The following GABRA1 variants were observed in gnomAD, a reference collection of about 807,000 sequenced individuals.
GABRA1 encodes gamma-aminobutyric acid type A receptor subunit alpha1.
Under a neutral mutation model 48.9 loss-of-function variants are expected in GABRA1, and 9 were observed. The observed-to-expected ratio is 0.18, with a 90% CI of 0.11 to 0.32. The LOEUF (loss-of-function observed/expected upper bound fraction) is 0.32. Ranked by LOEUF, GABRA1 falls within the 10% of genes least tolerant of loss-of-function variation. The pLI is 1.00. For synonymous variants in GABRA1, 210 were observed against 198.7 expected (o/e 1.06, Z -0.48); for missense variants, 285 against 553.8 (o/e 0.51, Z 4.87).
intron 8 of GABRA1, among the ~76,000 whole-genome samples, chr5:161,892,998 CCTT>C (rs1561586098): frequency 9.8e-6 from 1 of 102,518 alleles, no homozygotes; most frequent in African/African-American, 3.9e-5. Flanking sequence ...GAGCGAGACT[CCTT>C]CTCAAAAAAA....
intron 3 of GABRA1, among the ~76,000 whole-genome samples, chr5:161,859,120 GT>G (rs1266585336): frequency 6.6e-6 from 1 of 151,578 alleles, no homozygotes; most frequent in Non-Finnish European, 1.5e-5. Context: ...TGGGGGTTTT[GT>G]TTTGTTTTCA....
chr5:161,858,077 A>G (rs1251395955), intron 3 of GABRA1, among the ~76,000 whole-genome samples: 3 of 151,568 alleles, frequency 2.0e-5, no homozygotes, highest in Non-Finnish European at 4.4e-5. Flanking sequence ...AGAGCAAAAC[A>G]GAGGAAATGA....
Position 161,897,566 on chromosome 5 carries a change from A to AGACC in GABRA1, c.*145_*148dup. The AGACC allele has an allele frequency of 1.2e-6, 1 of 828,188 alleles. No individual in the cohort carries two copies. Among genetic ancestry groups the AGACC allele is most frequent in the African/African-American group, 1.7e-5 (1 of 58,314 alleles). 51.3% of individuals were successfully genotyped at this position (828,188 alleles called of 1,614,324 possible). A position where few individuals can be genotyped will look rare whatever the true frequency, so the allele number is the denominator to read the frequency against. On this transcript the variant is annotated 3_prime_UTR_variant, in exon 10 of 10. Transcript: ENST00000393943. ...TTTTCATAATTCATTTAAGAACAAG[A>AGACC]GACCCCTGTCTGGCAGTCTGGAGCA...
At chr5:161,890,844 T>A in intron 7 of GABRA1, 54 bp from the exon 8 acceptor site, 1 of 1,534,632 alleles carries the variant, frequency 6.5e-7, no homozygotes, top group Non-Finnish European at 9.0e-7. Flanking sequence ...ACCTCAGAGA[T>A]TACCTTTTTC....
At chr5:161,878,514 A>G (rs1754464729) in intron 6 of GABRA1, among the ~76,000 whole-genome samples, 1 of 152,222 alleles carries the variant, frequency 6.6e-6, no homozygotes, top group Non-Finnish European at 1.5e-5. Flanking sequence ...AATTTAGTGG[A>G]ACAGTCTGTA....
chr5:161,875,745 T>G (rs1754320576), intron 6 of GABRA1, 103 bp downstream of exon 6: 1 of 862,084 alleles, frequency 1.2e-6, no homozygotes, highest in Non-Finnish European at 2.0e-6. Flanking sequence ...TCAAGAAAAT[T>G]TAAACAGCAA....
chr5:161,894,565 A>G (rs752956871), intron 8 of GABRA1, among the ~76,000 whole-genome samples: 2 of 152,218 alleles, frequency 1.3e-5, no homozygotes, highest in Non-Finnish European at 2.9e-5. Context: ...CATAGAGCTA[A>G]TAAGTGGTAG....
At chr5:161,880,830 A>G (rs1161626810) in intron 6 of GABRA1, among the ~76,000 whole-genome samples, 1 of 152,146 alleles carries the variant, frequency 6.6e-6, no homozygotes, top group South Asian at 2.1e-4. Context: ...TAAAAAAGCA[A>G]CTATAGTTTT....
chr5:161,861,279 C>T (rs957491659), intron 3 of GABRA1, among the ~76,000 whole-genome samples: 7 of 151,726 alleles, frequency 4.6e-5, no homozygotes, highest in African/African-American at 1.7e-4. Context: ...AATGCATACA[C>T]CTACTATGTT....
At chr5:161,880,122 A>G (rs1400797446) in intron 6 of GABRA1, among the ~76,000 whole-genome samples, 1 of 152,180 alleles carries the variant, frequency 6.6e-6, no homozygotes, top group Non-Finnish European at 1.5e-5. Flanking sequence ...ACGGCATCCT[A>G]AGTCTTTATC....
chr5:161,868,077 A>G (rs1189104983), intron 4 of GABRA1, among the ~76,000 whole-genome samples: 2 of 152,092 alleles, frequency 1.3e-5, no homozygotes, highest in Non-Finnish European at 2.9e-5. Flanking sequence ...GTGGGACCTA[A>G]TAAGTTATGC....
At position 161,848,178 on chromosome 5, in the gene GABRA1, T is replaced by G. The variant is rs960154706; in HGVS notation, c.-260T>G. ...ACTACTGTCTTGGTAAAGAGAAATC[T>G]TTTGTTGTATAGCTGCAGATTGGAT... On this transcript the variant is annotated 5_prime_UTR_variant, in exon 1 of 10. Coordinates refer to ENST00000393943, the MANE Select transcript of GABRA1 (RefSeq NM_001127644.2). 3 of 152,148 alleles carry G rather than the reference T, an allele frequency of 2.0e-5. No individual in the cohort carries two copies. Among genetic ancestry groups the G allele is most frequent in the African/African-American group, 7.2e-5 (3 of 41,436 alleles). 9.4% of individuals were successfully genotyped at this position (152,148 alleles called of 1,614,324 possible).
At position 161,873,081 on chromosome 5, in the gene GABRA1, A is replaced by T. The variant is rs934802453; in HGVS notation, c.256-36A>T. 15 of 1,476,100 alleles carry T rather than the reference A, an allele frequency of 1.0e-5. No individual in the cohort carries two copies. The Admixed American group carries it at 2.5e-4, about 25-fold the overall frequency. 91.4% of individuals were successfully genotyped at this position (1,476,100 alleles called of 1,614,324 possible). On this transcript the variant is annotated intron_variant, in intron 4 of 9. Coordinates refer to ENST00000393943, the MANE Select transcript of GABRA1 (RefSeq NM_001127644.2). ...AGATATTTGCATTGCAAAATACAGC[A>T]CAGTGAACTCTTCGTCATTTTCCAA...
At chr5:161,895,334 C>G (rs1383089322) in intron 8 of GABRA1, among the ~76,000 whole-genome samples, 1 of 152,006 alleles carries the variant, frequency 6.6e-6, no homozygotes, top group Non-Finnish European at 1.5e-5. Flanking sequence ...ATATCAAGAA[C>G]TAGGTACAGT....
intron 7 of GABRA1, among the ~76,000 whole-genome samples, chr5:161,889,806 C>T (rs894227649): frequency 6.6e-6 from 1 of 151,934 alleles, no homozygotes; most frequent in Non-Finnish European, 1.5e-5. Flanking sequence ...ATATATAGGA[C>T]AGCCACCTTC....
At chr5:161,864,735 T>G (rs1015962215) in intron 3 of GABRA1, among the ~76,000 whole-genome samples, 1 of 151,878 alleles carries the variant, frequency 6.6e-6, no homozygotes, top group Non-Finnish European at 1.5e-5. Flanking sequence ...ATTTTATAAA[T>G]GTTTGTTTTC....
chr5:161,891,101 A>G (rs1327082979), intron 8 of GABRA1, 51 bp downstream of exon 8: 2 of 1,528,790 alleles, frequency 1.3e-6, no homozygotes, highest in Non-Finnish European at 1.8e-6. Context: ...AAGACAAGTT[A>G]TGTCATATCT....
rs1755462967 is a variant in GABRA1, at chr5:161,898,264, A to G, written c.*842A>G. 1 of 152,614 alleles carries G rather than the reference A, an allele frequency of 6.6e-6. No homozygotes were observed. 9.5% of individuals were successfully genotyped at this position (152,614 alleles called of 1,614,324 possible). ...CTATTTTCAGATAGCACATGAGCCCAACACTCACTTAATTCTCATTATGAA... is the reference window on the plus strand; with the variant it reads ...CTATTTTCAGATAGCACATGAGCCCGACACTCACTTAATTCTCATTATGAA... On this transcript the variant is annotated 3_prime_UTR_variant, in exon 10 of 10. Transcript: ENST00000393943.
rs539477001 is a variant in GABRA1, at chr5:161,850,586, A to G, written c.-15-210A>G. 62 of 601,858 alleles carry G rather than the reference A, an allele frequency of 1.0e-4. No individual in the cohort carries two copies. In the African/African-American group the frequency reaches 1.1e-3, roughly 11 times the overall value. 37.3% of individuals were successfully genotyped at this position (601,858 alleles called of 1,614,324 possible). A position where few individuals can be genotyped will look rare whatever the true frequency, so the allele number is the denominator to read the frequency against. On this transcript the variant is annotated intron_variant, in intron 1 of 9. Coordinates refer to ENST00000393943, the MANE Select transcript of GABRA1 (RefSeq NM_001127644.2). ...GCTTGTATTCTTTTACAGGAGAATA[A>G]GGACACTGATATATTTCTGAATGGA...
Sources: allele counts gnomAD v4.1 joint callset (sites outside exome capture counted in the v4.1 genomes callset), GRCh38; gene constraint gnomAD v4.1.1; transcripts MANE v1.5; gene names NCBI Gene and HGNC (gene_info 2026-07-23, HGNC 2026-07-21).